Variants in PLB1 observed in about 807,000 individuals in gnomAD.
The protein encoded by PLB1 is phospholipase B1, membrane-associated.
A neutral mutation model predicts 227.4 loss-of-function variants in PLB1; 242 were observed. That is an observed-to-expected ratio of 1.06 (90% CI 0.96 to 1.18). The LOEUF is 1.18. Ranked by LOEUF, PLB1 falls within the 50% of genes most tolerant of loss-of-function variation. PLB1 has a pLI of 0.00. For missense variants in PLB1, 1,858 were observed against 1,816.3 expected, an observed-to-expected ratio of 1.02 and a Z score of -0.42; for synonymous variants, 757 against 682.2, an observed-to-expected ratio of 1.11 and a Z score of -1.71.
chr2:28,582,015 G>T, intron 23 of PLB1, 53 bp from the exon 24 acceptor site: 2 of 1,529,568 alleles, frequency 1.3e-6, no homozygotes, highest in Non-Finnish European at 1.8e-6. Context: ...GCCCTGTTCT[G>T]TAGAGAGATT....
chr2:28,526,657 C>G lies in PLB1; in HGVS notation c.325+712C>G, dbSNP rs116687549. ...TCTCCTATGCTTGGTGCTCATAAATCAAGAATAAGGGAAACCACTTCGCCG... is the reference window on the plus strand; with the variant it reads ...TCTCCTATGCTTGGTGCTCATAAATGAAGAATAAGGGAAACCACTTCGCCG... On this transcript the variant is annotated intron_variant, in intron 6 of 57. Coordinates refer to ENST00000327757, the MANE Select transcript of PLB1 (RefSeq NM_153021.5). 6.7e-3 allele frequency among the ~76,000 whole-genome samples: 1,022 copies of G among 152,196 alleles called. 6 individuals are homozygous for G. Among genetic ancestry groups the G allele is most frequent in the Non-Finnish European group, 0.012 (789 of 68,020 alleles).
intron 31 of PLB1, among the ~76,000 whole-genome samples, chr2:28,591,980 C>T (rs1030200936): frequency 3.9e-5 from 6 of 152,178 alleles, no homozygotes; most frequent in Non-Finnish European, 8.8e-5. Flanking sequence ...GACCAGGAGC[C>T]GTCTCCTGCC....
At chr2:28,642,816 T>G in intron 57 of PLB1, 42 bp from the exon 58 acceptor site, 1 of 1,507,398 alleles carries the variant, frequency 6.6e-7, no homozygotes, top group South Asian at 1.2e-5. Flanking sequence ...GATGGATGGT[T>G]CACGGAGATC....
At chr2:28,562,271 C>T (rs569254725) in intron 17 of PLB1, among the ~76,000 whole-genome samples, 11 of 152,016 alleles carry the variant, frequency 7.2e-5, no homozygotes, top group Admixed American at 2.0e-4. Flanking sequence ...CGGCCGGGCG[C>T]GTTGGCTCTC....
chr2:28,506,310 T>C (rs1001564991), intron 1 of PLB1, among the ~76,000 whole-genome samples: 8 of 152,092 alleles, frequency 5.3e-5, no homozygotes, highest in Non-Finnish European at 1.2e-4. Context: ...AGGAATCTCA[T>C]GTGGGAGGTG....
intron 17 of PLB1, among the ~76,000 whole-genome samples, chr2:28,561,233 T>C (rs1454971076): frequency 2.0e-5 from 3 of 152,206 alleles, no homozygotes; most frequent in African/African-American, 7.2e-5. Flanking sequence ...CACTGTGTGG[T>C]CTCCAAAGCA....
intron 1 of PLB1, among the ~76,000 whole-genome samples, chr2:28,504,696 TG>T (rs1021315616): frequency 6.6e-6 from 1 of 152,074 alleles, no homozygotes; most frequent in African/African-American, 2.4e-5. Context: ...GAGCCGAGAT[TG>T]GGCCACTACA....
At chr2:28,539,531 G>A (rs966092665) in intron 11 of PLB1, among the ~76,000 whole-genome samples, 5 of 152,146 alleles carry the variant, frequency 3.3e-5, no homozygotes, top group Admixed American at 6.5e-5. Flanking sequence ...ATAGAAAAAC[G>A]TAGCCTAAAT....
Position 28,533,243 on chromosome 2 carries a change from A to G in PLB1, c.555+1049A>G, listed in dbSNP as rs1283866243. Among the ~76,000 whole-genome samples, 4 of 152,184 alleles carry G rather than the reference A, an allele frequency of 2.6e-5. No individual in the cohort carries two copies. In the East Asian group the frequency reaches 5.8e-4, roughly 22 times the overall value. The stretch of plus-strand genomic sequence containing the variant: ...TAGTGATGTCAAGCCTTGGAAGAAC[A>G]TTGATGGAAATCCACCTTCCTGACT... On this transcript the variant is annotated intron_variant, in intron 9 of 57. Coordinates refer to ENST00000327757, the MANE Select transcript of PLB1 (RefSeq NM_153021.5).
Position 28,617,747 on chromosome 2 carries a change from G to T in PLB1, c.3216G>T (p.Leu1072=). The change falls in exon 45 of 58, where the codon CTG becomes CTT. Residue 1072 remains leucine (L), a synonymous_variant. Transcript: ENST00000327757. ...TTTAGAACTGGGGCAGTGACTTCCT[G>T]TGTACAGAGTGGAAGGCTTCCAATA... ...PAIENWGSDF[L]CTEWKASNSV... 6.2e-7 allele frequency: 1 copy of T among 1,614,164 alleles called. No individual in the cohort carries two copies. Among genetic ancestry groups the T allele is most frequent in the Non-Finnish European group, 8.5e-7 (1 of 1,180,004 alleles).
In PLB1 at chr2:28,604,667, G is replaced by C. The variant is rs774243001; in HGVS notation, c.2869G>C (p.Glu957Gln). The C allele has an allele frequency of 6.2e-7, 1 of 1,614,062 alleles. No individual in the cohort carries two copies. The highest frequency in any genetic ancestry group is 1.7e-5 in the Admixed American group (1 of 60,026). ...FSRAYRSSMR[E>Q]LVGSGRYDTQ... The stretch of plus-strand genomic sequence containing the variant: ...CATGTGTCCCCAGAGCAGCATGCGC[G>C]AGCTGGTGGGGTCAGGCCGCTATGA... The change falls in exon 41 of 58, where the codon GAG becomes CAG. Residue 957 changes from glutamate to glutamine, a missense_variant. Glu to Gln is a conservative substitution (Grantham distance 29, BLOSUM62 2). Transcript: ENST00000327757.
chr2:28,580,735 G>T (rs973691272), intron 23 of PLB1, among the ~76,000 whole-genome samples: 1 of 151,120 alleles, frequency 6.6e-6, no homozygotes, highest in Non-Finnish European at 1.5e-5. Flanking sequence ...AAGCAAAGTT[G>T]CTGTGGGACC....
At chr2:28,537,697 G>A (rs7597748) in intron 9 of PLB1, among the ~76,000 whole-genome samples, 140,660 of 146,984 alleles carry the variant, frequency 0.96, 67,401 homozygotes, top group East Asian at 0.99. Flanking sequence ...AGCAGGGTCC[G>A]TTTTTGAGGT....
chr2:28,582,401 T>G lies in PLB1; in HGVS notation c.1633-4T>G. ...TCTTGGTGACTGAGTTTGCCTTTTC[T>G]CAGGTTCCTCGGGCATTTGTGAACC... On this transcript the variant is annotated splice_polypyrimidine_tract_variant and splice_region_variant and intron_variant, in intron 24 of 57. Transcript: ENST00000327757. 1 of 1,612,010 alleles carries G rather than the reference T, an allele frequency of 6.2e-7. No homozygotes were observed.
intron 32 of PLB1, among the ~76,000 whole-genome samples, chr2:28,593,158 G>A (rs898269244): frequency 6.6e-6 from 1 of 152,138 alleles, no homozygotes; most frequent in African/African-American, 2.4e-5. Flanking sequence ...TAACTTCCAA[G>A]AAATGGGGCT....
intron 25 of PLB1, 97 bp downstream of exon 25, chr2:28,582,602 T>A (rs1312659709): frequency 1.1e-6 from 1 of 928,942 alleles, no homozygotes; most frequent in South Asian, 1.5e-5. Context: ...AGGGCCGAAG[T>A]GTGAAAGGGC....
intron 35 of PLB1, 106 bp from the exon 36 acceptor site, chr2:28,600,703 T>C: frequency 9.9e-7 from 1 of 1,014,468 alleles, no homozygotes; most frequent in Non-Finnish European, 1.5e-6. Flanking sequence ...CTCTGCCAGC[T>C]CATGCAGTGG....
chr2:28,522,757 T>C (rs1669693577), intron 4 of PLB1, among the ~76,000 whole-genome samples: 1 of 152,146 alleles, frequency 6.6e-6, no homozygotes, highest in Non-Finnish European at 1.5e-5. Context: ...CAGGATGACC[T>C]CCCAGCCCCA....
intron 22 of PLB1, among the ~76,000 whole-genome samples, chr2:28,578,688 A>C (rs1679413226): frequency 1.3e-5 from 2 of 152,178 alleles, no homozygotes; most frequent in Admixed American, 6.5e-5. Flanking sequence ...CTCTCCCTCA[A>C]ATGAAAGCAC....
Sources: gnomAD v4.1 joint callset for allele counts (sites outside exome capture counted in the v4.1 genomes callset) on GRCh38, gnomAD v4.1.1 for gene constraint, MANE v1.5 for transcripts, NCBI Gene and HGNC (gene_info 2026-07-23, HGNC 2026-07-21) for gene names.